Variants in TMEM178B observed in about 807,000 individuals in gnomAD.
TMEM178B encodes transmembrane protein 178B.
Under a neutral mutation model 31.0 loss-of-function variants are expected in TMEM178B, and 5 were observed. The ratio of observed to expected loss-of-function variants is 0.16; its 90% confidence interval spans 0.08 to 0.34. The LOEUF is 0.34. TMEM178B is among the 10% of genes least tolerant of loss of function. The pLI is 1.00. For synonymous variants in TMEM178B, 164 were observed against 164.0 expected (o/e 1.00, Z 0.00); for missense variants, 275 against 400.3 (o/e 0.69, Z 2.67).
At chr7:141,263,314 C>T (rs1034323278) in intron 2 of TMEM178B, among the ~76,000 whole-genome samples, 5 of 152,156 alleles carry the variant, frequency 3.3e-5, no homozygotes, top group African/African-American at 4.8e-5. Context: ...GAGGACCAGG[C>T]TCAGTGGAAT....
chr7:141,140,653 T>C (rs1795754466), intron 1 of TMEM178B, among the ~76,000 whole-genome samples: 1 of 152,252 alleles, frequency 6.6e-6, no homozygotes, highest in South Asian at 2.1e-4. Flanking sequence ...ATTTCTCATG[T>C]ATCCTTGGGC....
intron 1 of TMEM178B, among the ~76,000 whole-genome samples, chr7:141,078,152 C>T (rs1209045901): frequency 6.6e-6 from 1 of 152,126 alleles, no homozygotes; most frequent in Non-Finnish European, 1.5e-5. Flanking sequence ...ACTGCAGGCA[C>T]TGGGGACAGA....
intron 1 of TMEM178B, among the ~76,000 whole-genome samples, chr7:141,075,878 T>A (rs559322976): frequency 6.6e-5 from 10 of 152,356 alleles, no homozygotes; most frequent in African/African-American, 2.4e-4. Context: ...TGTTCTTTGA[T>A]GGATACAAGT....
intron 2 of TMEM178B, among the ~76,000 whole-genome samples, chr7:141,350,150 A>G (rs1048662925): frequency 1.3e-5 from 2 of 152,134 alleles, no homozygotes; most frequent in Non-Finnish European, 2.9e-5. Flanking sequence ...TGTCACAATG[A>G]ACCGAAAAAA....
intron 1 of TMEM178B, among the ~76,000 whole-genome samples, chr7:141,089,968 C>A (rs1794855060): frequency 6.6e-6 from 1 of 151,892 alleles, no homozygotes; most frequent in African/African-American, 2.4e-5. Context: ...TGTAACATAC[C>A]TGCAAGTTGT....
chr7:141,432,552 A>G (rs1055435951), intron 2 of TMEM178B, among the ~76,000 whole-genome samples: 2 of 152,176 alleles, frequency 1.3e-5, no homozygotes, highest in Admixed American at 6.5e-5. Context: ...TATAAGTTAG[A>G]ATTGAGTATA....
At chr7:141,348,615 A>C (rs1799658826) in intron 2 of TMEM178B, among the ~76,000 whole-genome samples, 1 of 152,092 alleles carries the variant, frequency 6.6e-6, no homozygotes, top group Non-Finnish European at 1.5e-5. Context: ...TCAGGCTGAA[A>C]GCAAATCTTC....
intron 2 of TMEM178B, among the ~76,000 whole-genome samples, chr7:141,356,011 A>G (rs1489116283): frequency 6.6e-6 from 1 of 152,236 alleles, no homozygotes; most frequent in Non-Finnish European, 1.5e-5. Flanking sequence ...TATTGACGCC[A>G]GCTGCAACCA....
intron 2 of TMEM178B, among the ~76,000 whole-genome samples, chr7:141,239,866 G>T (rs1411182035): frequency 6.6e-6 from 1 of 152,198 alleles, no homozygotes; most frequent in Non-Finnish European, 1.5e-5. Context: ...GCCCCCTAGT[G>T]TAGGGAGCTG....
chr7:141,199,573 C>T (rs1408975267), intron 1 of TMEM178B, among the ~76,000 whole-genome samples: 1 of 151,780 alleles, frequency 6.6e-6, no homozygotes, highest in African/African-American at 2.4e-5. Flanking sequence ...TTCCTTTTTC[C>T]TTCCTCTTCT....
Position 141,474,304 on chromosome 7 carries a change from T to C in TMEM178B, c.*3518T>C, listed in dbSNP as rs1404830979. 6.6e-6 allele frequency: 1 copy of C among 152,192 alleles called. No homozygotes were observed. Among genetic ancestry groups the C allele is most frequent in the African/African-American group, 2.4e-5 (1 of 41,446 alleles). The allele number at this position is 152,192 out of a possible 1,614,324, so 9.4% of individuals were successfully genotyped here. On this transcript the variant is annotated 3_prime_UTR_variant, in exon 4 of 4. Coordinates refer to ENST00000565468, the MANE Select transcript of TMEM178B (RefSeq NM_001195278.2). The stretch of plus-strand genomic sequence containing the variant: ...TTCCGTTTCCTCTCTCTCTACTCAC[T>C]CCTACTTTCTCCTGCATCAACTTTG...
chr7:141,080,794 T>G (rs1794669568), intron 1 of TMEM178B, among the ~76,000 whole-genome samples: 7 of 152,204 alleles, frequency 4.6e-5, no homozygotes, highest in Admixed American at 4.6e-4. Context: ...AAAGACAGAC[T>G]GCAGTGGTCT....
At chr7:141,152,276 G>A (rs989183964) in intron 1 of TMEM178B, among the ~76,000 whole-genome samples, 1 of 152,128 alleles carries the variant, frequency 6.6e-6, no homozygotes, top group Non-Finnish European at 1.5e-5. Flanking sequence ...CGGGCTTTTC[G>A]GCCTCCAGCC....
chr7:141,481,444 C>G (rs1335388243), downstream of TMEM178B, among the ~76,000 whole-genome samples: 1 of 152,144 alleles, frequency 6.6e-6, no homozygotes, highest in Admixed American at 6.5e-5. Context: ...ATTGCTGCAT[C>G]TCCGTGTGGT....
chr7:141,091,628 T>C (rs1042838649), intron 1 of TMEM178B, among the ~76,000 whole-genome samples: 4 of 152,218 alleles, frequency 2.6e-5, no homozygotes, highest in Non-Finnish European at 5.9e-5. Flanking sequence ...CTCCAGGTAG[T>C]GAAGTGCATT....
intron 1 of TMEM178B, among the ~76,000 whole-genome samples, chr7:141,175,097 C>A (rs1796406172): frequency 6.6e-6 from 1 of 152,116 alleles, no homozygotes; most frequent in Non-Finnish European, 1.5e-5. Context: ...GGTTTTAGGT[C>A]TAACATTTAA....
At chr7:141,455,983 A>G (rs1364608802) in intron 3 of TMEM178B, among the ~76,000 whole-genome samples, 1 of 152,258 alleles carries the variant, frequency 6.6e-6, no homozygotes, top group Non-Finnish European at 1.5e-5. Flanking sequence ...CATTCAGGAC[A>G]CAATTTATTC....
chr7:141,185,372 C>A (rs1323027531), intron 1 of TMEM178B, among the ~76,000 whole-genome samples: 1 of 152,174 alleles, frequency 6.6e-6, no homozygotes, highest in African/African-American at 2.4e-5. Flanking sequence ...TAGCTCTCAG[C>A]AGATGAGGGA....
At chr7:141,075,259 T>C (rs1182250177) in intron 1 of TMEM178B, among the ~76,000 whole-genome samples, 1 of 152,180 alleles carries the variant, frequency 6.6e-6, no homozygotes, top group Non-Finnish European at 1.5e-5. Context: ...AGCAGCATCA[T>C]ATCACAATTC....
Sources: gnomAD v4.1 joint callset for allele counts (sites outside exome capture counted in the v4.1 genomes callset) on GRCh38, gnomAD v4.1.1 for gene constraint, MANE v1.5 for transcripts, NCBI Gene and HGNC (gene_info 2026-07-23, HGNC 2026-07-21) for gene names.